Variants in MDGA2 observed in about 807,000 individuals in gnomAD.
MDGA2 encodes the protein MAM domain-containing glycosylphosphatidylinositol anchor protein 2.
Under a neutral mutation model 117.8 loss-of-function variants are expected in MDGA2, and 40 were observed. The ratio of observed to expected loss-of-function variants is 0.34; its 90% CI spans 0.26 to 0.44. MDGA2 has a LOEUF of 0.44. MDGA2 is among the 20% of genes least tolerant of loss of function. MDGA2 has a pLI of 1.00. For synonymous variants in MDGA2, 452 were observed against 439.0 expected, an observed-to-expected ratio of 1.03 and a Z score of -0.37; for missense variants, 1,123 against 1,250.6, an observed-to-expected ratio of 0.90 and a Z score of 1.54.
chr14:47,572,982 A>T (rs1388188234), intron 1 of MDGA2, among the ~76,000 whole-genome samples: 1 of 152,186 alleles, frequency 6.6e-6, no homozygotes, highest in African/African-American at 2.4e-5. Flanking sequence ...AGCAATAATT[A>T]AAGGCAGAAA....
At chr14:47,668,740 G>A (rs1038622380) in intron 1 of MDGA2, among the ~76,000 whole-genome samples, 1 of 152,140 alleles carries the variant, frequency 6.6e-6, no homozygotes. Context: ...AATATACTTT[G>A]CATGTCCTTC....
intron 9 of MDGA2, among the ~76,000 whole-genome samples, chr14:46,949,730 A>G (rs1885301961): frequency 6.6e-6 from 1 of 151,964 alleles, no homozygotes; most frequent in Non-Finnish European, 1.5e-5. Flanking sequence ...TATATATACC[A>G]CATTTTTTAA....
At chr14:47,407,752 G>C (rs1470719711) in intron 1 of MDGA2, among the ~76,000 whole-genome samples, 1 of 152,100 alleles carries the variant, frequency 6.6e-6, no homozygotes, top group Non-Finnish European at 1.5e-5. Flanking sequence ...GAAAATGAGA[G>C]TTATTTGTTT....
intron 14 of MDGA2, among the ~76,000 whole-genome samples, chr14:46,863,323 A>T (rs938279992): frequency 6.6e-6 from 1 of 152,030 alleles, no homozygotes; most frequent in Non-Finnish European, 1.5e-5. Context: ...CTTTTATTTT[A>T]TTCAGAAATT....
intron 9 of MDGA2, among the ~76,000 whole-genome samples, chr14:46,929,573 A>G (rs1284046861): frequency 1.8e-5 from 2 of 113,142 alleles, no homozygotes; most frequent in Non-Finnish European, 3.4e-5. Flanking sequence ...TATATCAAGT[A>G]TATATACGTG....
intron 14 of MDGA2, among the ~76,000 whole-genome samples, chr14:46,857,750 G>A (rs997120853): frequency 2.0e-5 from 3 of 152,008 alleles, no homozygotes; most frequent in African/African-American, 7.2e-5. Flanking sequence ...AAACTCCTGG[G>A]CTCAAGGGAT....
chr14:47,025,974 C>T (rs956186497), intron 8 of MDGA2, among the ~76,000 whole-genome samples: 34 of 152,100 alleles, frequency 2.2e-4, no homozygotes, highest in African/African-American at 7.5e-4. Flanking sequence ...CTAGTAGTCC[C>T]GCAAGTTTAA....
At chr14:47,092,023 G>C (rs748364059) in intron 6 of MDGA2, among the ~76,000 whole-genome samples, 1 of 152,102 alleles carries the variant, frequency 6.6e-6, no homozygotes, top group Non-Finnish European at 1.5e-5. Context: ...GTAATTACAT[G>C]TATGGGTATA....
chr14:47,540,514 A>ATGTGTG (rs1566505955), intron 1 of MDGA2, among the ~76,000 whole-genome samples: 11 of 98,316 alleles, frequency 1.1e-4, no homozygotes, highest in African/African-American at 3.4e-4. Context: ...GTATATGTAT[A>ATGTGTG]TGTATATGTG....
intron 15 of MDGA2, among the ~76,000 whole-genome samples, chr14:46,852,469 G>A (rs778908197): frequency 1.3e-5 from 2 of 151,790 alleles, no homozygotes; most frequent in Non-Finnish European, 2.9e-5. Flanking sequence ...AATGTTCAGG[G>A]CAGAATACCA....
chr14:47,202,152 A>G (rs932482198), intron 3 of MDGA2, among the ~76,000 whole-genome samples: 2 of 152,164 alleles, frequency 1.3e-5, no homozygotes, highest in Non-Finnish European at 1.5e-5. Flanking sequence ...AAACCTTTCT[A>G]TAGTTGTAAA....
In MDGA2 at chr14:47,347,458, G is replaced by A. The variant is rs541561038; in HGVS notation, c.281-45908C>T. Among the ~76,000 whole-genome samples, 14 of 152,198 alleles carry A rather than the reference G, an allele frequency of 9.2e-5. No individual in the cohort carries two copies. The East Asian group carries it at 1.7e-3, about 19-fold the overall frequency. ...ATTTTATTTGCCAGTGAGTAATAACGGGCATAAAGGAATGGAAAGAATTGG... is the reference window on the plus strand; with the variant it reads ...ATTTTATTTGCCAGTGAGTAATAACAGGCATAAAGGAATGGAAAGAATTGG... On this transcript the variant is annotated intron_variant, in intron 1 of 16. Transcript: ENST00000399232.
chr14:47,662,168 G>C (rs923625034), intron 1 of MDGA2, among the ~76,000 whole-genome samples: 3 of 152,170 alleles, frequency 2.0e-5, no homozygotes, highest in Non-Finnish European at 4.4e-5. Context: ...CTGAATTAGA[G>C]TCAGCTTTGC....
At chr14:47,155,648 C>G (rs1883337581) in intron 3 of MDGA2, among the ~76,000 whole-genome samples, 1 of 149,036 alleles carries the variant, frequency 6.7e-6, no homozygotes, top group Non-Finnish European at 1.5e-5. Context: ...GTTGCTCAAA[C>G]AGCCCTCACC....
chr14:46,888,166 G>C (rs1366760662), intron 10 of MDGA2, among the ~76,000 whole-genome samples: 1 of 151,926 alleles, frequency 6.6e-6, no homozygotes, highest in Non-Finnish European at 1.5e-5. Context: ...TTCAGCAGTT[G>C]GCAGAATAAG....
intron 1 of MDGA2, among the ~76,000 whole-genome samples, chr14:47,321,364 C>A (rs1889974398): frequency 6.6e-6 from 1 of 152,048 alleles, no homozygotes; most frequent in South Asian, 2.1e-4. Flanking sequence ...GTTAACATCA[C>A]AAAAAAATAG....
At chr14:47,647,137 C>T (rs547896812) in intron 1 of MDGA2, among the ~76,000 whole-genome samples, 2 of 152,148 alleles carry the variant, frequency 1.3e-5, no homozygotes, top group South Asian at 4.1e-4. Flanking sequence ...ATCCATTTGC[C>T]AAATACGTGT....
chr14:47,099,053 C>CA (rs1880148972), intron 5 of MDGA2, among the ~76,000 whole-genome samples: 2 of 151,984 alleles, frequency 1.3e-5, no homozygotes, highest in Middle Eastern at 6.8e-3. Context: ...GACTTGGAAA[C>CA]ACAGTATTGC....
intron 1 of MDGA2, among the ~76,000 whole-genome samples, chr14:47,616,211 G>C (rs1032341874): frequency 1.3e-5 from 2 of 152,184 alleles, no homozygotes; most frequent in Non-Finnish European, 2.9e-5. Flanking sequence ...ACCAAAGTAA[G>C]TGTCTGCACA....
Sources: allele counts gnomAD v4.1 joint callset (sites outside exome capture counted in the v4.1 genomes callset), GRCh38; gene constraint gnomAD v4.1.1; transcripts MANE v1.5; gene names NCBI Gene and HGNC (gene_info 2026-07-23, HGNC 2026-07-21).